The following CASP6 variants were observed in gnomAD, a reference collection of about 807,000 sequenced individuals.
CASP6 encodes the protein caspase-6.
In CASP6, 20 loss-of-function variants were observed where a neutral mutation model predicts 31.8. That is an observed-to-expected ratio of 0.63 (90% confidence interval 0.44 to 0.91). The LOEUF (loss-of-function observed/expected upper bound fraction) is 0.91. Ranked by LOEUF, CASP6 falls within the 40% of genes least tolerant of loss-of-function variation. The pLI is 0.00. For missense variants in CASP6, 328 were observed against 361.1 expected, an observed-to-expected ratio of 0.91 and a Z score of 0.74; for synonymous variants, 130 against 127.8, an observed-to-expected ratio of 1.02 and a Z score of -0.12.
At chr4:109,667,350 G>T in the CASP6 span, among the ~76,000 whole-genome samples, 1 of 151,886 alleles carries the variant, frequency 6.6e-6, no homozygotes, top group Non-Finnish European at 1.5e-5. Flanking sequence ...ATTTTGTCTA[G>T]GTTATTGAAT....
downstream of CASP6, chr4:109,688,272 T>G (rs375955557): frequency 2.6e-5 from 4 of 152,366 alleles, no homozygotes; most frequent in Admixed American, 2.0e-4. Context: ...TATATCATAT[T>G]AATAAGAATT....
intron 6 of CASP6, among the ~76,000 whole-genome samples, chr4:109,690,236 TA>T (rs751729227): frequency 0.043 from 2,009 of 46,358 alleles, 48 homozygotes; most frequent in African/African-American, 0.19. Context: ...AGTGAGACTA[TA>T]AAAAAAAAAA....
rs1579104038 is a variant in CASP6 at position 109,689,061 on chromosome 4, C to T, written c.*269G>A. On this transcript the variant is annotated 3_prime_UTR_variant, in exon 7 of 7. Coordinates refer to ENST00000265164, the MANE Select transcript of CASP6 (RefSeq NM_001226.4). ...CGCAATCTCGGCTCACCGCAGCCTCCACCTCCTGGGTTCAAGTGATTCTCC... is the reference window on the plus strand; with the variant it reads ...CGCAATCTCGGCTCACCGCAGCCTCTACCTCCTGGGTTCAAGTGATTCTCC... The T allele has an allele frequency of 4.4e-5, 13 of 296,360 alleles. No homozygotes were observed. In the South Asian group the frequency reaches 4.5e-4, roughly 10 times the overall value. The allele number at this position is 296,360 out of a possible 1,614,324, so 18.4% of individuals were successfully genotyped here. A position where few individuals can be genotyped will look rare whatever the true frequency, so the allele number is the denominator to read the frequency against.
intron 6 of CASP6, 24 bp from the exon 7 acceptor site, chr4:109,689,592 T>C (rs753503480): frequency 1.9e-5 from 31 of 1,600,726 alleles, no homozygotes. Flanking sequence ...AAGGAAAATG[T>C]TGCTGCAGTT....
chr4:109,708,011 A>G (rs1730653548), upstream of CASP6, among the ~76,000 whole-genome samples: 1 of 152,180 alleles, frequency 6.6e-6, no homozygotes, highest in African/African-American at 2.4e-5. Context: ...TTAGAGTGGG[A>G]AAAAAATTAA....
At chr4:109,700,981 T>C (rs1186708663) in intron 1 of CASP6, among the ~76,000 whole-genome samples, 2 of 152,340 alleles carry the variant, frequency 1.3e-5, no homozygotes, top group Admixed American at 6.5e-5. Context: ...CTTTTTGGGA[T>C]GGAGTCTTGC....
upstream of CASP6, among the ~76,000 whole-genome samples, chr4:109,705,974 T>TA (rs59584573): frequency 1.1e-3 from 33 of 29,390 alleles, no homozygotes; most frequent in African/African-American, 1.6e-3. Context: ...AGACACTCTT[T>TA]AAAAAAAAAA....
At chr4:109,690,418 G>A (rs747505477) in intron 6 of CASP6, among the ~76,000 whole-genome samples, 109 of 151,798 alleles carry the variant, frequency 7.2e-4, no homozygotes, top group Non-Finnish European at 1.3e-3. Flanking sequence ...AGCTACAGGG[G>A]GGCTGAGGTG....
At chr4:109,679,556 AG>A in the CASP6 span, among the ~76,000 whole-genome samples, 2 of 152,108 alleles carry the variant, frequency 1.3e-5, no homozygotes, top group African/African-American at 2.4e-5. Context: ...CGAGGCAGGG[AG>A]GTTGCAGCGA....
rs1220973270 is a variant in CASP6, at chr4:109,694,566, A to G, written c.442T>C (p.Cys148Arg). 6.2e-7 allele frequency: 1 copy of G among 1,609,646 alleles called. No homozygotes were observed. The highest frequency in any genetic ancestry group is 1.1e-5 in the South Asian group (1 of 89,824). ...TLTGLFKGDK[C>R]HSLVGKPKIF... ...TTGGGTTTTCCAACCAGGCTGTGAC[A>G]CTTGTCTCCTTTGAACAAGCCAGTT... The change falls in exon 5 of 7, where the codon TGT becomes CGT. Residue 148 changes from cysteine (C) to arginine (R), a missense_variant. Transcript: ENST00000265164.
upstream of CASP6, among the ~76,000 whole-genome samples, chr4:109,704,512 C>T (rs1730538874): frequency 6.6e-6 from 1 of 152,182 alleles, no homozygotes; most frequent in African/African-American, 2.4e-5. Flanking sequence ...CCTAACTCTT[C>T]AATTCTATGG....
chr4:109,664,422 CTTT>C, the CASP6 span: 386 of 615,204 alleles, frequency 6.3e-4, no homozygotes, highest in East Asian at 9.9e-4. Flanking sequence ...CCAACTATTA[CTTT>C]TTTTTTTTTT....
At chr4:109,686,833 C>T (rs1428639125), downstream of CASP6, among the ~76,000 whole-genome samples, 2 of 152,116 alleles carry the variant, frequency 1.3e-5, no homozygotes, top group Non-Finnish European at 2.9e-5. Context: ...ACTATGATCA[C>T]ACCACTGCAC....
downstream of CASP6, chr4:109,684,982 A>G (rs950383700): frequency 1.3e-5 from 5 of 393,304 alleles, no homozygotes; most frequent in Admixed American, 4.1e-5. Flanking sequence ...TAATATGCCA[A>G]AAATCTCCCT....
chr4:109,692,014 C>G (rs921965309), intron 5 of CASP6: 3 of 152,186 alleles, frequency 2.0e-5, no homozygotes, highest in Admixed American at 6.5e-5. Flanking sequence ...TCACCCTATA[C>G]ACGAATACAG....
At chr4:109,707,913 T>G (rs1730652024), upstream of CASP6, among the ~76,000 whole-genome samples, 1 of 152,234 alleles carries the variant, frequency 6.6e-6, no homozygotes, top group Non-Finnish European at 1.5e-5. Context: ...GTAAAAAATT[T>G]ACTTTGACAA....
intron 3 of CASP6, among the ~76,000 whole-genome samples, chr4:109,696,785 T>G (rs904426351): frequency 6.7e-6 from 1 of 148,202 alleles, no homozygotes; most frequent in Non-Finnish European, 1.5e-5. Flanking sequence ...AGGCAAGTTT[T>G]TTTTTTTTTT....
intron 5 of CASP6, among the ~76,000 whole-genome samples, chr4:109,693,193 C>T (rs1354177526): frequency 9.2e-5 from 14 of 151,806 alleles, no homozygotes; most frequent in Non-Finnish European, 1.9e-4. Flanking sequence ...AAGGCCTCAC[C>T]AGAAGCAGAT....
chr4:109,706,009 T>A (rs1463351590), upstream of CASP6, among the ~76,000 whole-genome samples: 78 of 75,752 alleles, frequency 1.0e-3, no homozygotes, highest in Non-Finnish European at 1.5e-3. Flanking sequence ...AAAATATATA[T>A]ATATATATAT....
Sources: allele counts gnomAD v4.1 joint callset (sites outside exome capture counted in the v4.1 genomes callset), GRCh38; gene constraint gnomAD v4.1.1; transcripts MANE v1.5; gene names NCBI Gene and HGNC (gene_info 2026-07-23, HGNC 2026-07-21).